Variants in PRRC2B observed in about 807,000 individuals in gnomAD.
The protein encoded by PRRC2B is protein PRRC2B.
In PRRC2B, 68 loss-of-function variants were observed where a neutral mutation model predicts 242.3. The observed-to-expected ratio is 0.28, with a 90% CI of 0.23 to 0.34. The LOEUF is 0.34. PRRC2B is among the 10% of genes least tolerant of loss of function. The pLI, the probability that PRRC2B is intolerant of heterozygous loss-of-function variation, is 1.00. For missense variants in PRRC2B, 2,835 were observed against 2,954.8 expected (o/e 0.96, Z 0.94); for synonymous variants, 1,228 against 1,173.6 (o/e 1.05, Z -0.95).
Position 131,487,773 on chromosome 9 carries a change from T to C in PRRC2B, c.5985-83T>C. On this transcript the variant is annotated intron_variant, in intron 27 of 31. Coordinates refer to ENST00000683519, the MANE Select transcript of PRRC2B (RefSeq NM_013318.4). This position sits in a 1 kb window ranked among gnomAD's most constrained non-coding sequence, Gnocchi z 5.3. ...GCCGGGGATCTGTGGTTTAGCAAGC[T>C]CTCCGGGGATCTCTGAAGGGTGGGA... The C allele has an allele frequency of 2.0e-6, 3 of 1,525,880 alleles. No homozygotes were observed. The South Asian group carries it at 3.8e-5, about 20-fold the overall frequency. 94.5% of individuals were successfully genotyped at this position (1,525,880 alleles called of 1,614,324 possible).
chr9:131,430,550 GGTGTGT>G (rs759350366), intron 2 of PRRC2B, among the ~76,000 whole-genome samples: 15 of 82,762 alleles, frequency 1.8e-4, no homozygotes, highest in African/African-American at 5.9e-4. Context: ...GATATCTATA[GGTGTGT>G]GTGTATGTGT....
intron 31 of PRRC2B, 127 bp from the exon 32 acceptor site, chr9:131,495,613 C>T: frequency 2.7e-6 from 3 of 1,094,110 alleles, no homozygotes; most frequent in Admixed American, 4.6e-5. Context: ...GTCCTTCAAC[C>T]AAGGGACTGA....
chr9:131,458,785 G>C lies in PRRC2B; in HGVS notation c.1212-379G>C, dbSNP rs1023426874. ...CCCAAAGTGCTAGGATTACAGGCGT[G>C]AGCCACTACGCCCAGGCCCTCTTAT... On this transcript the variant is annotated intron_variant, in intron 10 of 31. Coordinates refer to ENST00000683519, the MANE Select transcript of PRRC2B (RefSeq NM_013318.4). Among the ~76,000 whole-genome samples, 3 of 152,344 alleles carry C rather than the reference G, an allele frequency of 2.0e-5. No homozygotes were observed. In the East Asian group the frequency reaches 5.8e-4, roughly 29 times the overall value.
At chr9:131,491,675 C>G in intron 29 of PRRC2B, 95 bp downstream of exon 29, 1 of 1,220,532 alleles carries the variant, frequency 8.2e-7, no homozygotes, top group Non-Finnish European at 1.1e-6. Flanking sequence ...GTAGAAAGAG[C>G]CAGTGGCGTG....
chr9:131,395,895 C>T (rs1338686721), intron 1 of PRRC2B, among the ~76,000 whole-genome samples: 1 of 152,100 alleles, frequency 6.6e-6, no homozygotes, highest in African/African-American at 2.4e-5. Flanking sequence ...ACGAGATGCT[C>T]AGGACAAACA....
Position 131,487,318 on chromosome 9 carries a change from G to A in PRRC2B, c.5984+24G>A, listed in dbSNP as rs1338689902. On this transcript the variant is annotated intron_variant, in intron 27 of 31. Coordinates refer to ENST00000683519, the MANE Select transcript of PRRC2B (RefSeq NM_013318.4). The surrounding 1 kb of genome is among the most constrained non-coding windows in gnomAD (Gnocchi z 5.3). ...AGGTGAGCTCATGTACCAGCTTGCG[G>A]AGCTGGCAGCTCACAGCCAGGGCCT... 7.6e-6 allele frequency: 12 copies of A among 1,569,254 alleles called. 1 individual carries two copies. The South Asian group carries it at 1.3e-4, about 17-fold the overall frequency.
chr9:131,475,028 G>C lies in PRRC2B; in HGVS notation c.2899G>C (p.Gly967Arg). ...KELEKIKQEL[G>R]EESTRLAKEK... ...GCTTGAGAAGATTAAGCAGGAGCTA[G>C]GGGAGGAGAGTACCCGGCTGGCCAA... Residue 967 changes from glycine to arginine, a missense_variant, in exon 16 of 32, where the codon GGG becomes CGG. Physicochemically the swap from Gly to Arg is moderately radical, Grantham distance 125. Coordinates refer to ENST00000683519, the MANE Select transcript of PRRC2B (RefSeq NM_013318.4). 1.2e-6 allele frequency: 2 copies of C among 1,608,142 alleles called. No homozygotes were observed. The highest frequency in any genetic ancestry group is 8.5e-7 in the Non-Finnish European group (1 of 1,177,250).
chr9:131,404,051 G>A (rs1297327226), intron 1 of PRRC2B, among the ~76,000 whole-genome samples: 3 of 151,916 alleles, frequency 2.0e-5, no homozygotes, highest in Non-Finnish European at 4.4e-5. Flanking sequence ...AAAGTGCTAG[G>A]ATTACAGGTG....
At chr9:131,472,268 G>A (rs977740080) in intron 14 of PRRC2B, among the ~76,000 whole-genome samples, 8 of 151,936 alleles carry the variant, frequency 5.3e-5, no homozygotes, top group African/African-American at 1.9e-4. Context: ...ACTTTTAATT[G>A]CAAAAGTTGG....
chr9:131,487,138 C>T lies in PRRC2B; in HGVS notation c.5857-29C>T, dbSNP rs749388256. 3.5e-5 allele frequency: 57 copies of T among 1,610,586 alleles called. No individual in the cohort carries two copies. Among genetic ancestry groups the T allele is most frequent in the Non-Finnish European group, 4.8e-5 (56 of 1,178,696 alleles). ...ACCACCTGGATGGGCCTTGCGGTTA[C>T]CTCCCCGACCCCGTTTTCCCGTTCA... On this transcript the variant is annotated intron_variant, in intron 26 of 31. Transcript: ENST00000683519. The surrounding 1 kb of genome is among the most constrained non-coding windows in gnomAD (Gnocchi z 5.3).
At chr9:131,431,012 G>A (rs1838149740) in intron 2 of PRRC2B, among the ~76,000 whole-genome samples, 1 of 149,546 alleles carries the variant, frequency 6.7e-6, no homozygotes, top group Admixed American at 6.7e-5. Context: ...GTGCAATGGC[G>A]TGATCTCAGC....
intron 11 of PRRC2B, among the ~76,000 whole-genome samples, chr9:131,463,575 G>A (rs1943303885): frequency 6.7e-6 from 1 of 150,048 alleles, no homozygotes; most frequent in Non-Finnish European, 1.5e-5. Context: ...CTGGCAACCA[G>A]CAAGAAACTC....
At chr9:131,477,649 G>C in intron 16 of PRRC2B, 95 bp from the exon 17 acceptor site, 2 of 745,596 alleles carry the variant, frequency 2.7e-6, no homozygotes, top group Admixed American at 4.7e-5. Context: ...AGTGGGCCTA[G>C]ATCAGGGTGC....
chr9:131,376,340 T>G (rs1836684281), intron 1 of PRRC2B, among the ~76,000 whole-genome samples: 1 of 139,000 alleles, frequency 7.2e-6, no homozygotes, highest in Non-Finnish European at 1.5e-5. Flanking sequence ...GGTGACAGAG[T>G]GAGACTCCAT....
In PRRC2B at chr9:131,465,031, G is replaced by C; in HGVS notation, c.1673G>C (p.Ser558Thr). ...GAGAAGGAAGTGCCCTGGTCTCCAA[G>C]TGCTGAGAAGGCATCTCCCCAGGAA... ...QAEKEVPWSP[S>T]AEKASPQENG... The change falls in exon 12 of 32, where the codon AGT becomes ACT. Residue 558 changes from serine to threonine, a missense_variant. By Grantham distance (58) the Ser-to-Thr change is moderately conservative. Coordinates refer to ENST00000683519, the MANE Select transcript of PRRC2B (RefSeq NM_013318.4). 1 of 1,613,996 alleles carries C rather than the reference G, an allele frequency of 6.2e-7. No individual in the cohort carries two copies. Among genetic ancestry groups the C allele is most frequent in the Non-Finnish European group, 8.5e-7 (1 of 1,179,900 alleles).
chr9:131,379,476 A>T (rs180800999), intron 1 of PRRC2B, among the ~76,000 whole-genome samples: 153 of 152,136 alleles, frequency 1.0e-3, no homozygotes, highest in African/African-American at 3.2e-3. Context: ...TTTTTGGATG[A>T]TGGCCATGCT....
At position 131,476,317 on chromosome 9, in the gene PRRC2B, G is replaced by T; in HGVS notation, c.4188G>T (p.Glu1396Asp). Residue 1396 changes from glutamate to aspartate, a missense_variant, in exon 16 of 32, where the codon GAG (glutamate) becomes GAT (aspartate). Around this residue, in one of 7 missense-constraint regions of PRRC2B, gnomAD observed 1,536 missense variants for 1,483.1 expected, o/e 1.04. Coordinates refer to ENST00000683519, the MANE Select transcript of PRRC2B (RefSeq NM_013318.4). ...AGCGGCGGGAAGGCCCTGGGTCCGA[G>T]CCCGACTCCCAGGTGGATGGTGGCC... ...RRERREGPGSEPDSQVDGGLS... is the reference protein window; with the variant it reads ...RRERREGPGSDPDSQVDGGLS... 1 of 1,580,034 alleles carries T rather than the reference G, an allele frequency of 6.3e-7. No individual in the cohort carries two copies. The highest frequency in any genetic ancestry group is 8.6e-7 in the Non-Finnish European group (1 of 1,163,444).
In PRRC2B at chr9:131,495,818, A is replaced by G. The variant is rs1466643459; in HGVS notation, c.6634A>G (p.Lys2212Glu). 2 of 1,613,344 alleles carry G rather than the reference A, an allele frequency of 1.2e-6. No homozygotes were observed. Among genetic ancestry groups the G allele is most frequent in the Non-Finnish European group, 1.7e-6 (2 of 1,179,416 alleles). Reference protein sequence around the residue: ...QEAPSAASQMKRTGAIKPRAV... With the variant: ...QEAPSAASQMERTGAIKPRAV... ...GGCCCCCTCGGCTGCCTCCCAGATG[A>G]AGCGAACCGGAGCGATCAAGCCTCG... is the stretch of plus-strand genomic sequence containing the variant. The change falls in exon 32 of 32, where the codon AAG becomes GAG. Residue 2212 changes from lysine (K) to glutamate (E), a missense_variant. Lys to Glu is a moderately conservative substitution (Grantham distance 56). Around this residue, in one of 7 missense-constraint regions of PRRC2B, gnomAD observed 574 missense variants for 626.0 expected, o/e 0.92. Coordinates refer to ENST00000683519, the MANE Select transcript of PRRC2B (RefSeq NM_013318.4).
At chr9:131,380,886 CA>C (rs61180556) in intron 1 of PRRC2B, among the ~76,000 whole-genome samples, 75 of 108,264 alleles carry the variant, frequency 6.9e-4, no homozygotes, top group African/African-American at 8.2e-4. Flanking sequence ...ATTCTGTCTC[CA>C]AAAAAAAAAA....
Sources: gnomAD v4.1 joint callset for allele counts (sites outside exome capture counted in the v4.1 genomes callset) on GRCh38, gnomAD v4.1.1 for gene constraint, gnomAD v4.1.1 regional missense constraint, Gnocchi (gnomAD v3.1) non-coding constraint, MANE v1.5 for transcripts, NCBI Gene and HGNC (gene_info 2026-07-23, HGNC 2026-07-21) for gene names.